ANO1: variants seen among roughly 807,000 people sequenced by gnomAD.
ANO1 encodes anoctamin 1.
Under a neutral mutation model 124.0 loss-of-function variants are expected in ANO1, and 59 were observed. That is an observed-to-expected ratio of 0.48 (90% confidence interval 0.39 to 0.59). The LOEUF (loss-of-function observed/expected upper bound fraction) is 0.59, where lower values mean the gene tolerates loss of function less well. Ranked by LOEUF, ANO1 falls within the 20% of genes least tolerant of loss-of-function variation. The pLI is 0.00. For missense variants in ANO1, 1,059 were observed against 1,328.0 expected (o/e 0.80, Z 3.15); for synonymous variants, 529 against 532.0 (o/e 0.99, Z 0.08).
rs184028550 is a variant in ANO1, at chr11:70,149,774, G to A, written c.1323G>A (p.Thr441=). 2.6e-5 allele frequency: 42 copies of A among 1,613,710 alleles called. No individual in the cohort carries two copies. In the African/African-American group the frequency reaches 2.7e-4, roughly 10 times the overall value. Reference sequence around the variant, plus strand: ...GACTCAACTACCGCTGGGACCTCACGGGCTTTGAAGAGGAAGAGGTCAGTG... The same window carrying A: ...GACTCAACTACCGCTGGGACCTCACAGGCTTTGAAGAGGAAGAGGTCAGTG... ...QMRLNYRWDL[T]GFEEEEEAVK... Residue 441 remains threonine, a synonymous_variant, in exon 12 of 26, where the codon ACG becomes ACA. Coordinates refer to ENST00000355303, the MANE Select transcript of ANO1 (RefSeq NM_018043.7).
At chr11:70,037,764 G>A (rs7929754) in intron 1 of ANO1, among the ~76,000 whole-genome samples, 3,288 of 152,160 alleles carry the variant, frequency 0.022, 128 homozygotes, top group African/African-American at 0.075. Flanking sequence ...CTCACTAGGC[G>A]CTGGGCTCTG....
chr11:70,162,460 G>C (rs1219082668), intron 18 of ANO1, among the ~76,000 whole-genome samples: 1 of 152,174 alleles, frequency 6.6e-6, no homozygotes, highest in Non-Finnish European at 1.5e-5. Flanking sequence ...GTGGGGACAA[G>C]GAGAGAGGAG....
At chr11:70,097,381 T>A (rs1332893316) in intron 2 of ANO1, among the ~76,000 whole-genome samples, 1 of 152,162 alleles carries the variant, frequency 6.6e-6, no homozygotes, top group Non-Finnish European at 1.5e-5. Context: ...CATAGCAGTG[T>A]CCCTGCTATG....
chr11:69,985,125 C>T (rs374120043), upstream of ANO1, among the ~76,000 whole-genome samples: 16 of 152,166 alleles, frequency 1.1e-4, no homozygotes, highest in East Asian at 1.7e-3. Context: ...GGCTTCCTGC[C>T]CTGAGCCCAT....
At chr11:69,997,759 C>T (rs558859379) in intron 1 of ANO1, among the ~76,000 whole-genome samples, 16 of 152,180 alleles carry the variant, frequency 1.1e-4, no homozygotes, top group African/African-American at 3.1e-4. Flanking sequence ...CAGTTTTCAT[C>T]GGGTTGTTTT....
chr11:70,186,693 ATTC>A (rs1212426730), intron 25 of ANO1, among the ~76,000 whole-genome samples: 1 of 152,148 alleles, frequency 6.6e-6, no homozygotes, highest in Non-Finnish European at 1.5e-5. Context: ...CACCGCCAAG[ATTC>A]TGCTCGCAGG....
At chr11:70,006,582 ACTTACTTT>A (rs1565158767) in intron 1 of ANO1, among the ~76,000 whole-genome samples, 4 of 42,772 alleles carry the variant, frequency 9.4e-5, no homozygotes, top group Non-Finnish European at 2.2e-4. Flanking sequence ...TTTCTTTCTT[ACTTACTTT>A]CTTTCTTTCC....
intron 21 of ANO1, among the ~76,000 whole-genome samples, chr11:70,168,974 G>A (rs2048355971): frequency 1.3e-5 from 2 of 152,190 alleles, no homozygotes. Flanking sequence ...TAAAGTCCAA[G>A]CTGAACCAGG....
chr11:70,104,059 A>G lies in ANO1; in HGVS notation c.601A>G (p.Ile201Val). ...LKKINSVLQKITDPIQPKVAE... is the reference protein window; with the variant it reads ...LKKINSVLQKVTDPIQPKVAE... The stretch of plus-strand genomic sequence containing the variant: ...AAAAATCAACTCTGTGCTCCAGAAA[A>G]TCACAGATCCCATCCAGCCCAAAGT... The change falls in exon 4 of 26, where the codon ATC becomes GTC. Residue 201 changes from isoleucine (I) to valine (V), a missense_variant. Ile to Val is a conservative substitution (Grantham distance 29, BLOSUM62 3). This residue lies in a region of ANO1 where 809 missense variants were observed against 1,094.9 expected (regional missense o/e 0.74). Coordinates refer to ENST00000355303, the MANE Select transcript of ANO1 (RefSeq NM_018043.7). 5.0e-6 allele frequency: 8 copies of G among 1,612,812 alleles called. No individual in the cohort carries two copies. Among genetic ancestry groups the G allele is most frequent in the Non-Finnish European group, 6.8e-6 (8 of 1,179,502 alleles).
intron 22 of ANO1, among the ~76,000 whole-genome samples, chr11:70,171,351 A>G (rs1301814880): frequency 6.6e-6 from 1 of 151,146 alleles, no homozygotes; most frequent in East Asian, 2.0e-4. Context: ...TTCCTCTCTG[A>G]TGGCTGGCGA....
chr11:70,116,574 C>A, intron 8 of ANO1, 75 bp downstream of exon 8: 1 of 1,481,032 alleles, frequency 6.8e-7, no homozygotes, highest in Non-Finnish European at 9.2e-7. Flanking sequence ...GGGCCTGCAG[C>A]TGGACCGAGG....
At position 70,078,713 on chromosome 11, in the gene ANO1, C is replaced by T. The variant is rs1318088955; in HGVS notation, c.107C>T (p.Thr36Met). The T allele has an allele frequency of 2.0e-6, 3 of 1,476,732 alleles. No homozygotes were observed. Among genetic ancestry groups the T allele is most frequent in the South Asian group, 1.2e-5 (1 of 83,812 alleles). The allele number at this position is 1,476,732 out of a possible 1,614,324, so 91.5% of individuals were successfully genotyped here. A position where few individuals can be genotyped will look rare whatever the true frequency, so the allele number is the denominator to read the frequency against. Residue 36 changes from threonine to methionine, a missense_variant and splice_region_variant, in exon 1 of 26, where the codon ACG (threonine) becomes ATG (methionine). By Grantham distance (81) the Thr-to-Met change is moderately conservative (BLOSUM62 -1). Transcript: ENST00000355303. ...ATCGGCTACCTGCCGTCCGAGGGCA[C>T]GGTGAGTGCGGGCGGCCGCGACCCG... ...EDIGYLPSEG[T>M]LLNSLSVDPD...
chr11:70,171,048 C>G lies in ANO1; in HGVS notation c.2350+9C>G. Reference sequence around the variant, plus strand: ...CAGAGCCAAAGACATCGGTGAGTGACCCCACGGGCCGGCAGAACCGGTTCC... The same window carrying G: ...CAGAGCCAAAGACATCGGTGAGTGAGCCCACGGGCCGGCAGAACCGGTTCC... On this transcript the variant is annotated intron_variant, in intron 22 of 25. Transcript: ENST00000355303. The G allele has an allele frequency of 1.9e-6, 3 of 1,610,144 alleles. No individual in the cohort carries two copies. Among genetic ancestry groups the G allele is most frequent in the Non-Finnish European group, 2.5e-6 (3 of 1,178,340 alleles).
At chr11:70,114,702 C>G (rs1328433456) in intron 7 of ANO1, among the ~76,000 whole-genome samples, 1 of 152,152 alleles carries the variant, frequency 6.6e-6, no homozygotes, top group Non-Finnish European at 1.5e-5. Context: ...AGGTTGAAAC[C>G]AGCCTGACCA....
At chr11:70,167,935 A>G (rs185358471) in intron 21 of ANO1, among the ~76,000 whole-genome samples, 2 of 152,066 alleles carry the variant, frequency 1.3e-5, no homozygotes, top group African/African-American at 4.8e-5. Flanking sequence ...CCTGGTGGTG[A>G]GCTCCTGAGT....
At chr11:70,010,380 C>T (rs1446717584) in intron 1 of ANO1, among the ~76,000 whole-genome samples, 4 of 151,390 alleles carry the variant, frequency 2.6e-5, no homozygotes, top group Non-Finnish European at 5.9e-5. Flanking sequence ...TTTTAACAAC[C>T]AGTGGCTCTT....
intron 23 of ANO1, among the ~76,000 whole-genome samples, chr11:70,180,885 C>T (rs946514827): frequency 1.3e-5 from 2 of 152,228 alleles, no homozygotes. Flanking sequence ...GCCTTACACA[C>T]GGCTCTGCTA....
intron 1 of ANO1, among the ~76,000 whole-genome samples, chr11:70,039,052 T>A (rs1555004766): frequency 6.6e-6 from 1 of 152,114 alleles, no homozygotes; most frequent in Non-Finnish European, 1.5e-5. Flanking sequence ...AAAAAAGCCA[T>A]TAAGGATAGG....
chr11:70,132,151 T>C lies in ANO1; in HGVS notation c.1258+72T>C, dbSNP rs1402974164. The stretch of plus-strand genomic sequence containing the variant: ...GAGTGGTACCTAGGCTGCTTCTGTC[T>C]GTCTTTGCGAAATCATCCTCAGGCA... On this transcript the variant is annotated intron_variant, in intron 11 of 25. Transcript: ENST00000355303. The C allele has an allele frequency of 2.7e-6, 4 of 1,485,816 alleles. No homozygotes were observed. In the East Asian group the frequency reaches 9.9e-5, roughly 37 times the overall value. 92.0% of individuals were successfully genotyped at this position (1,485,816 alleles called of 1,614,324 possible).
Sources: gnomAD v4.1 joint callset for allele counts (sites outside exome capture counted in the v4.1 genomes callset) on GRCh38, gnomAD v4.1.1 for gene constraint, gnomAD v4.1.1 regional missense constraint, MANE v1.5 for transcripts, NCBI Gene and HGNC (gene_info 2026-07-23, HGNC 2026-07-21) for gene names.